PAXIP1: variants seen among roughly 807,000 people sequenced by gnomAD.
PAXIP1 encodes PAX-interacting protein 1.
PAXIP1 carries 19 observed loss-of-function variants against 140.6 expected under a neutral mutation model. The ratio of observed to expected loss-of-function variants is 0.14; its 90% CI spans 0.09 to 0.20. The LOEUF is 0.20. PAXIP1 is among the 10% of genes least tolerant of loss of function. PAXIP1 has a pLI of 1.00. For synonymous variants in PAXIP1, 442 were observed against 444.6 expected (o/e 0.99, Z 0.07); for missense variants, 920 against 1,208.6 (o/e 0.76, Z 3.54).
chr7:154,972,420 T>G (rs1244386865), intron 6 of PAXIP1, among the ~76,000 whole-genome samples: 1 of 151,992 alleles, frequency 6.6e-6, no homozygotes. Flanking sequence ...ACCAGGGAGG[T>G]GCAGTTTGCA....
chr7:154,991,155 C>A, intron 3 of PAXIP1, 86 bp from the exon 4 acceptor site: 1 of 626,816 alleles, frequency 1.6e-6, no homozygotes, highest in Non-Finnish European at 2.8e-6. Flanking sequence ...CACTCCGTCC[C>A]CACTCAGTCC....
In PAXIP1 at chr7:154,986,284, G is replaced by GT; in HGVS notation, c.325-2953dup. 1 of 658,842 alleles carries GT rather than the reference G, an allele frequency of 1.5e-6. No homozygotes were observed. The highest frequency in any genetic ancestry group is 3.3e-5 in the Admixed American group (1 of 30,090). The allele number at this position is 658,842 out of a possible 1,614,324, so 40.8% of individuals were successfully genotyped here. A position where few individuals can be genotyped will look rare whatever the true frequency, so the allele number is the denominator to read the frequency against. On this transcript the variant is annotated intron_variant, in intron 4 of 20. Transcript: ENST00000404141. The surrounding 1 kb of genome is among the most constrained non-coding windows in gnomAD (Gnocchi z 4.8). The stretch of plus-strand genomic sequence containing the variant: ...TGCATGTGAGTGTGTGTGCGCATGG[G>GT]TGCTCCAGTGTGCAGAAAAGGTGCA...
In PAXIP1 at chr7:154,989,154, T is replaced by C. The variant is rs533891165; in HGVS notation, c.324+1852A>G. The stretch of plus-strand genomic sequence containing the variant: ...AATTAATGTCACAAAAACAGGATTT[T>C]AGAGAACTTCCAGAATACAAGAGAC... On this transcript the variant is annotated intron_variant, in intron 4 of 20. Transcript: ENST00000404141. 3.9e-5 allele frequency among the ~76,000 whole-genome samples: 6 copies of C among 152,330 alleles called. No homozygotes were observed. The East Asian group carries it at 7.7e-4, about 20-fold the overall frequency.
chr7:154,947,026 T>C (rs967497766), intron 17 of PAXIP1: 1 of 449,730 alleles, frequency 2.2e-6, no homozygotes, highest in African/African-American at 2.0e-5. Context: ...ATGTTAAGTA[T>C]GCCTGAAGAT....
chr7:154,955,628 A>G lies in PAXIP1; in HGVS notation c.2553T>C (p.Ile851=), dbSNP rs1254490255. ...NVQPSSKRAR[I]EDVPPPTKKL... ...TTTTAGTGGGAGGTGGTACGTCTTC[A>G]ATTCTGTGGAAGAAATACACATAAA... The change falls in exon 15 of 21, where the codon ATT becomes ATC. Residue 851 remains isoleucine, a synonymous_variant. Transcript: ENST00000404141. 17 of 1,537,074 alleles carry G rather than the reference A, an allele frequency of 1.1e-5. No homozygotes were observed. The highest frequency in any genetic ancestry group is 1.5e-5 in the Non-Finnish European group (17 of 1,134,562).
rs1563372549 is a variant in PAXIP1 at position 154,968,680 on chromosome 7, G to GTGCTGCTGCAGCTGATGGAAC, written c.1500_1520dup (p.Gln500_Gln506dup). 1.4e-6 allele frequency: 1 copy of GTGCTGCTGCAGCTGATGGAAC among 715,352 alleles called. No individual in the cohort carries two copies. Among genetic ancestry groups the GTGCTGCTGCAGCTGATGGAAC allele is most frequent in the Non-Finnish European group, 2.6e-6 (1 of 384,260 alleles). 44.3% of individuals were successfully genotyped at this position (715,352 alleles called of 1,614,324 possible). A position where few individuals can be genotyped will look rare whatever the true frequency, so the allele number is the denominator to read the frequency against. On this transcript the variant is annotated inframe_insertion, in exon 7 of 21. Coordinates refer to ENST00000404141, the MANE Select transcript of PAXIP1 (RefSeq NM_007349.4). Reference sequence around the variant, plus strand: ...GGGCAAGCTGCTGCTGCTGGAGCTGGTGCTGCTGCAGCTGATGGAACTGCT... The same window carrying GTGCTGCTGCAGCTGATGGAAC: ...GGGCAAGCTGCTGCTGCTGGAGCTGGTGCTGCTGCAGCTGATGGAACTGCTGCTGCAGCTGATGGAACTGCT...
intron 1 of PAXIP1, chr7:155,000,647 A>G (rs1038991269): frequency 2.0e-5 from 3 of 152,124 alleles, no homozygotes; most frequent in African/African-American, 7.2e-5. Context: ...CCAACACTCT[A>G]CCAAAAACAC....
chr7:155,000,233 A>G (rs1438263707), intron 1 of PAXIP1: 1 of 152,240 alleles, frequency 6.6e-6, no homozygotes, highest in East Asian at 1.9e-4. Context: ...GATATGAACT[A>G]GAGCAGAGGC....
chr7:154,955,457 G>T, intron 15 of PAXIP1, 72 bp downstream of exon 15: 1 of 833,844 alleles, frequency 1.2e-6, no homozygotes, highest in Non-Finnish European at 2.0e-6. Context: ...TAATAAAACT[G>T]CTGATCTGAA....
chr7:154,962,191 CT>C, intron 10 of PAXIP1, 129 bp downstream of exon 10: 1 of 921,426 alleles, frequency 1.1e-6, no homozygotes, highest in Non-Finnish European at 1.7e-6. Flanking sequence ...CACTTATGAA[CT>C]GGGCAAAAGT....
intron 3 of PAXIP1, among the ~76,000 whole-genome samples, chr7:154,991,330 CAG>C (rs1305584288): frequency 6.6e-6 from 1 of 152,216 alleles, no homozygotes; most frequent in Non-Finnish European, 1.5e-5. Context: ...AGTATACTCA[CAG>C]GGGGAAGCCT....
At position 154,954,387 on chromosome 7, in the gene PAXIP1, C is replaced by T; in HGVS notation, c.2689G>A (p.Ala897Thr). The T allele has an allele frequency of 6.3e-7, 1 of 1,590,362 alleles. No individual in the cohort carries two copies. The highest frequency in any genetic ancestry group is 8.6e-7 in the Non-Finnish European group (1 of 1,163,670). ...YILGGEVAES[A>T]QKCTHLIASK... is the part of the protein sequence containing the mutation. ...GCAATGAGGTGTGTGCACTTCTGTG[C>T]AGACTCCGCAACCTCTCCACCAAGA... Residue 897 changes from alanine (A) to threonine (T), a missense_variant, in exon 16 of 21, where the codon GCA becomes ACA. Around this residue, in one of 5 missense-constraint regions of PAXIP1, gnomAD observed 303 missense variants for 517.9 expected, o/e 0.59. Coordinates refer to ENST00000404141, the MANE Select transcript of PAXIP1 (RefSeq NM_007349.4). This position sits in a 1 kb window ranked among gnomAD's most constrained non-coding sequence, Gnocchi z 5.1.
At chr7:154,980,996 C>G (rs1239934551) in intron 5 of PAXIP1, among the ~76,000 whole-genome samples, 1 of 152,076 alleles carries the variant, frequency 6.6e-6, no homozygotes, top group Non-Finnish European at 1.5e-5. Context: ...TGGCACGAGC[C>G]TGTAATCCCA....
Position 154,975,740 on chromosome 7 carries a change from T to C in PAXIP1, c.1030A>G (p.Asn344Asp), listed in dbSNP as rs1343429318. Residue 344 changes from asparagine to aspartate, a missense_variant, in exon 6 of 21, where the codon AAT (asparagine) becomes GAT (aspartate). Around this residue, in one of 5 missense-constraint regions of PAXIP1, gnomAD observed 419 missense variants for 514.7 expected, o/e 0.81. Transcript: ENST00000404141. ...AVRTLRNITNNADIQQMNRPS... is the reference protein window; with the variant it reads ...AVRTLRNITNDADIQQMNRPS... ...CGGTTCATCTGCTGAATGTCAGCAT[T>C]ATTAGTAATATTCCTCAGTGTCCGT... 1 of 1,613,696 alleles carries C rather than the reference T, an allele frequency of 6.2e-7. No homozygotes were observed. The highest frequency in any genetic ancestry group is 2.2e-5 in the East Asian group (1 of 44,886).
Position 154,968,430 on chromosome 7 carries a change from G to A in PAXIP1, c.1771C>T (p.Leu591Phe). The A allele has an allele frequency of 1.3e-6, 2 of 1,546,176 alleles. No homozygotes were observed. The highest frequency in any genetic ancestry group is 1.8e-6 in the Non-Finnish European group (2 of 1,142,118). The part of the protein sequence containing the change: ...QPPPSPQQHQ[L>F]FGHDPAVEIP... ...TCCACTGCTGGATCATGTCCAAAAA[G>A]CTGATGCTGCTGAGGCGATGGTGGT... is the stretch of plus-strand genomic sequence containing the variant. Residue 591 changes from leucine to phenylalanine, a missense_variant, in exon 7 of 21, where the codon CTT becomes TTT. Coordinates refer to ENST00000404141, the MANE Select transcript of PAXIP1 (RefSeq NM_007349.4).
chr7:154,980,809 C>T (rs576958474), intron 5 of PAXIP1, among the ~76,000 whole-genome samples: 8 of 152,282 alleles, frequency 5.3e-5, no homozygotes, highest in Admixed American at 1.3e-4. Context: ...CTCTCTTTCT[C>T]TTTCTTTACA....
chr7:154,992,249 C>T (rs1405523290), intron 3 of PAXIP1, among the ~76,000 whole-genome samples: 1 of 152,038 alleles, frequency 6.6e-6, no homozygotes, highest in Non-Finnish European at 1.5e-5. Context: ...CAAGTAAGAG[C>T]TCAAAGAAGA....
rs1234293363 is a variant in PAXIP1 at position 154,965,682 on chromosome 7, CATTTT to C, written c.1894-1921_1894-1917del. The C allele has an allele frequency of 2.0e-5, 3 of 152,170 alleles. 1 individual carries two copies. The highest frequency in any genetic ancestry group is 6.5e-5 in the Admixed American group (1 of 15,280). The allele number at this position is 152,170 out of a possible 1,614,324, so 9.4% of individuals were successfully genotyped here. A position where few individuals can be genotyped will look rare whatever the true frequency, so the allele number is the denominator to read the frequency against. The stretch of plus-strand genomic sequence containing the variant: ...CTCTTCCTTATGATTTTCTTAATAA[CATTTT>C]CTTTTCTTTAGCTTACTTTATTGTA... On this transcript the variant is annotated intron_variant, in intron 8 of 20. Transcript: ENST00000404141.
chr7:154,994,403 C>T (rs6956613), intron 2 of PAXIP1, among the ~76,000 whole-genome samples: 1 of 151,850 alleles, frequency 6.6e-6, no homozygotes, highest in South Asian at 2.1e-4. Flanking sequence ...TGTAGTAATG[C>T]CCCCATTACT....
Sources: allele counts gnomAD v4.1 joint callset (sites outside exome capture counted in the v4.1 genomes callset), GRCh38; gene constraint gnomAD v4.1.1; regional missense constraint gnomAD v4.1.1; non-coding constraint Gnocchi (gnomAD v3.1); transcripts MANE v1.5; gene names NCBI Gene and HGNC (gene_info 2026-07-23, HGNC 2026-07-21).